The following BDP1 variants were observed in gnomAD, a reference collection of about 807,000 sequenced individuals.
The protein encoded by BDP1 is BDP1 general transcription factor IIIB subunit.
Under a neutral mutation model 266.6 loss-of-function variants are expected in BDP1, and 169 were observed. The observed-to-expected ratio is 0.63, with a 90% CI of 0.56 to 0.72. The LOEUF (loss-of-function observed/expected upper bound fraction) is 0.72. Ranked by LOEUF, BDP1 falls within the 30% of genes least tolerant of loss-of-function variation. The pLI is 0.00. For missense variants in BDP1, 3,015 were observed against 3,053.8 expected (o/e 0.99, Z 0.30); for synonymous variants, 1,090 against 1,022.4 (o/e 1.07, Z -1.26).
chr5:71,514,920 T>G, intron 19 of BDP1, 24 bp from the exon 20 acceptor site: 1 of 1,547,396 alleles, frequency 6.5e-7, no homozygotes, highest in Non-Finnish European at 8.7e-7. Flanking sequence ...CAACTGTGAA[T>G]GAAATTTTTT....
At position 71,553,163 on chromosome 5, in the gene BDP1, C is replaced by T; in HGVS notation, c.7043C>T (p.Ser2348Phe). The T allele has an allele frequency of 6.2e-7, 1 of 1,613,132 alleles. No homozygotes were observed. Among genetic ancestry groups the T allele is most frequent in the Non-Finnish European group, 8.5e-7 (1 of 1,179,918 alleles). Residue 2348 changes from serine (S) to phenylalanine (F), a missense_variant, in exon 35 of 39, where the codon TCT becomes TTT. Physicochemically the swap from Ser to Phe is radical, Grantham distance 155. This residue lies in a region of BDP1 where 629 missense variants were observed against 632.5 expected (regional missense o/e 0.99). Transcript: ENST00000358731. ...GTTGGTCAAGATGCCATGGGTTTATCTATTTCTGGAAGAGATAATTCTAAA... is the reference window on the plus strand; with the variant it reads ...GTTGGTCAAGATGCCATGGGTTTATTTATTTCTGGAAGAGATAATTCTAAA... Reference protein sequence around the residue: ...TSVGQDAMGLSISGRDNSKKP... With the variant: ...TSVGQDAMGLFISGRDNSKKP...
At position 71,504,668 on chromosome 5, in the gene BDP1, A is replaced by T. The variant is rs755859055; in HGVS notation, c.2289A>T (p.Glu763Asp). 1 of 1,613,618 alleles carries T rather than the reference A, an allele frequency of 6.2e-7. No individual in the cohort carries two copies. The highest frequency in any genetic ancestry group is 2.2e-5 in the East Asian group (1 of 44,792). The change falls in exon 16 of 39, where the codon GAA becomes GAT. Residue 763 changes from glutamate (E) to aspartate (D), a missense_variant. Transcript: ENST00000358731. Reference protein sequence around the residue: ...EDQSRKDFEEEDVILQPEKND... With the variant: ...EDQSRKDFEEDDVILQPEKND... ...AATCGCGTAAAGATTTTGAAGAGGA[A>T]GATGTCATATTACAGCCTGAGAAAA...
At chr5:71,469,780 AT>A (rs970035895) in intron 6 of BDP1, among the ~76,000 whole-genome samples, 13 of 137,312 alleles carry the variant, frequency 9.5e-5, no homozygotes, top group East Asian at 4.4e-4. Flanking sequence ...CGCCCAGCTC[AT>A]TTTTTTTTTA....
chr5:71,504,349 G>A (rs1419923659), intron 15 of BDP1, among the ~76,000 whole-genome samples: 2 of 151,706 alleles, frequency 1.3e-5, no homozygotes, highest in African/African-American at 4.8e-5. Context: ...CAGAAAGATA[G>A]ACCCCACAGG....
chr5:71,577,792 A>G, the BDP1 span, among the ~76,000 whole-genome samples: 1 of 152,180 alleles, frequency 6.6e-6, no homozygotes, highest in Non-Finnish European at 1.5e-5. Context: ...TAGTTCTTGG[A>G]ATAATGTTGT....
chr5:71,487,781 G>A (rs1172306495), intron 9 of BDP1, among the ~76,000 whole-genome samples: 3 of 152,210 alleles, frequency 2.0e-5, no homozygotes, highest in African/African-American at 7.2e-5. Flanking sequence ...AAGCAGTTCA[G>A]CATAAACCAC....
chr5:71,563,518 CTT>C (rs1203267935), intron 38 of BDP1, among the ~76,000 whole-genome samples: 2 of 151,852 alleles, frequency 1.3e-5, no homozygotes, highest in Non-Finnish European at 2.9e-5. Context: ...TGTCATTTGT[CTT>C]TTGATTTTAT....
chr5:71,509,327 C>T, intron 16 of BDP1, 138 bp from the exon 17 acceptor site: 3 of 868,104 alleles, frequency 3.5e-6, no homozygotes, highest in South Asian at 3.1e-5. Flanking sequence ...TTAAATTTTA[C>T]CCAGCGATTC....
chr5:71,516,505 A>C (rs767309259), intron 21 of BDP1, among the ~76,000 whole-genome samples: 4 of 152,200 alleles, frequency 2.6e-5, no homozygotes, highest in Non-Finnish European at 5.9e-5. Flanking sequence ...AGGACAAAAT[A>C]ATATAAATAC....
chr5:71,480,048 G>A (rs561410658), intron 7 of BDP1, among the ~76,000 whole-genome samples: 30 of 151,398 alleles, frequency 2.0e-4, no homozygotes, highest in South Asian at 1.5e-3. Context: ...AGGTTCAATC[G>A]ATTCTCCTTC....
chr5:71,493,592 A>G (rs1355453655), intron 11 of BDP1, among the ~76,000 whole-genome samples: 2 of 152,364 alleles, frequency 1.3e-5, no homozygotes, highest in South Asian at 4.1e-4. Context: ...TTGGTTTTGG[A>G]AAACAAAGAG....
chr5:71,525,267 ACCCCCCCCACC>A (rs1765735970), intron 25 of BDP1, among the ~76,000 whole-genome samples: 2 of 113,370 alleles, frequency 1.8e-5, no homozygotes, highest in East Asian at 5.4e-4. Context: ...CGGGGGGCTG[ACCCCCCCCACC>A]TCCCTCCCGG....
At chr5:71,543,960 T>C (rs1767122493) in intron 30 of BDP1, among the ~76,000 whole-genome samples, 1 of 152,228 alleles carries the variant, frequency 6.6e-6, no homozygotes, top group Admixed American at 6.5e-5. Context: ...AGAAGTCTTT[T>C]TTTCCCCGTT....
intron 36 of BDP1, among the ~76,000 whole-genome samples, chr5:71,557,406 A>C (rs1390538084): frequency 1.9e-5 from 1 of 51,388 alleles, no homozygotes; most frequent in Non-Finnish European, 4.0e-5. Context: ...TTTTTTTGAG[A>C]CGGTGTCTCG....
At chr5:71,488,706 G>A (rs1763413739) in intron 9 of BDP1, among the ~76,000 whole-genome samples, 1 of 150,724 alleles carries the variant, frequency 6.6e-6, no homozygotes, top group African/African-American at 2.4e-5. Context: ...TAGGATTACA[G>A]GCGTGAGCCA....
At chr5:71,553,095 A>G (rs752876387) in intron 34 of BDP1, 21 bp from the exon 35 acceptor site, 6 of 1,559,288 alleles carry the variant, frequency 3.8e-6, no homozygotes, top group East Asian at 2.2e-5. Context: ...GTAATTTAGT[A>G]TGTATTTCTT....
intron 22 of BDP1, among the ~76,000 whole-genome samples, chr5:71,518,644 G>T (rs1474393281): frequency 6.6e-6 from 1 of 151,860 alleles, no homozygotes; most frequent in Non-Finnish European, 1.5e-5. Context: ...TGTAGAGATG[G>T]GGTTTCACCA....
chr5:71,524,510 C>T (rs975060588), intron 25 of BDP1, among the ~76,000 whole-genome samples, 187 bp downstream of exon 25: 2 of 145,526 alleles, frequency 1.4e-5, no homozygotes, highest in Non-Finnish European at 3.0e-5. Flanking sequence ...TCCCTATGGC[C>T]CAGGCCCAGC....
chr5:71,470,750 G>C lies in BDP1; in HGVS notation c.1014+261G>C, dbSNP rs369643242. 1.5e-4 allele frequency among the ~76,000 whole-genome samples: 23 copies of C among 151,942 alleles called. No individual in the cohort carries two copies. In the East Asian group the frequency reaches 3.7e-3, roughly 24 times the overall value. On this transcript the variant is annotated intron_variant, in intron 7 of 38. Coordinates refer to ENST00000358731, the MANE Select transcript of BDP1 (RefSeq NM_018429.3). Reference sequence around the variant, plus strand: ...TTACAGGCACCTGCCACCACGCCCGGCTGATTTTTTTACTGTTTTAGTAGA... The same window carrying C: ...TTACAGGCACCTGCCACCACGCCCGCCTGATTTTTTTACTGTTTTAGTAGA...
Sources: gnomAD v4.1 joint callset for allele counts (sites outside exome capture counted in the v4.1 genomes callset) on GRCh38, gnomAD v4.1.1 for gene constraint, gnomAD v4.1.1 regional missense constraint, MANE v1.5 for transcripts, NCBI Gene and HGNC (gene_info 2026-07-23, HGNC 2026-07-21) for gene names.